The following ZFHX3 variants were observed in gnomAD, a reference collection of about 807,000 sequenced individuals.
ZFHX3 encodes the protein zinc finger homeobox 3.
In ZFHX3, 42 loss-of-function variants were observed where a neutral mutation model predicts 279.1. The ratio of observed to expected loss-of-function variants is 0.15; its 90% confidence interval spans 0.12 to 0.19. ZFHX3 has a LOEUF of 0.19. Among genes scored for constraint, ZFHX3 ranks in the 10% least tolerant of loss-of-function variants. The pLI, the probability that ZFHX3 is intolerant of heterozygous loss-of-function variation, is 1.00. For synonymous variants in ZFHX3, 2,293 were observed against 1,957.8 expected (o/e 1.17, Z -4.52); for missense variants, 4,981 against 4,754.0 (o/e 1.05, Z -1.40).
intron 4 of ZFHX3, among the ~76,000 whole-genome samples, chr16:73,300,115 C>A (rs1290120365): frequency 1.3e-5 from 2 of 152,104 alleles, no homozygotes; most frequent in Non-Finnish European, 2.9e-5. Context: ...AACTAATCAG[C>A]TGGGCATGGT....
intron 6 of ZFHX3, chr16:73,131,131 G>A: frequency 2.0e-6 from 1 of 500,400 alleles, no homozygotes; most frequent in Non-Finnish European, 3.8e-6. Flanking sequence ...TTGTTTTCTA[G>A]GGTTGACATG....
At chr16:73,098,882 G>C (rs1471814059) in intron 7 of ZFHX3, 4 of 152,212 alleles carry the variant, frequency 2.6e-5, no homozygotes, top group African/African-American at 4.8e-5. Flanking sequence ...TTCTGCACCA[G>C]CAACCTCCAC....
At chr16:72,998,252 T>G (rs1458004074) in intron 1 of ZFHX3, among the ~76,000 whole-genome samples, 1 of 151,918 alleles carries the variant, frequency 6.6e-6, no homozygotes, top group Non-Finnish European at 1.5e-5. Flanking sequence ...AATACAAAAA[T>G]TAACCAGGTG....
At chr16:73,648,893 A>T (rs754088464) in intron 2 of ZFHX3, among the ~76,000 whole-genome samples, 1 of 152,216 alleles carries the variant, frequency 6.6e-6, no homozygotes, top group Non-Finnish European at 1.5e-5. Flanking sequence ...TTTGCCCTTC[A>T]ACATGGGTTG....
chr16:73,557,513 C>G (rs372908971), intron 2 of ZFHX3, among the ~76,000 whole-genome samples: 1 of 152,102 alleles, frequency 6.6e-6, no homozygotes, highest in African/African-American at 2.4e-5. Flanking sequence ...ATGGTTATTT[C>G]TTGAAGATAT....
intron 4 of ZFHX3, among the ~76,000 whole-genome samples, chr16:72,847,630 G>A (rs913582312): frequency 5.3e-5 from 8 of 152,108 alleles, no homozygotes; most frequent in African/African-American, 1.7e-4. Context: ...AGAAGGGGAG[G>A]GGTGGCAGGT....
At chr16:73,249,366 A>T (rs1408528068) in intron 5 of ZFHX3, among the ~76,000 whole-genome samples, 2 of 152,238 alleles carry the variant, frequency 1.3e-5, no homozygotes, top group African/African-American at 2.4e-5. Context: ...AAGAATGGGT[A>T]ATTTATAAGA....
chr16:73,851,680 AC>A (rs1192496699), intron 1 of ZFHX3, among the ~76,000 whole-genome samples: 2 of 152,196 alleles, frequency 1.3e-5, no homozygotes, highest in African/African-American at 2.4e-5. Flanking sequence ...AAATTTGAGA[AC>A]CTACTGAAAT....
In ZFHX3 at chr16:72,807,821, A is replaced by G. The variant is rs537593126; in HGVS notation, c.3864+3756T>C. Reference sequence around the variant, plus strand: ...GCAAGCTTTTCCTATTCTGCAGCCAATGGCAACTAACTCAGTCAACCCATT... The same window carrying G: ...GCAAGCTTTTCCTATTCTGCAGCCAGTGGCAACTAACTCAGTCAACCCATT... On this transcript the variant is annotated intron_variant, in intron 7 of 9. Transcript: ENST00000268489. 6.6e-5 allele frequency: 10 copies of G among 152,276 alleles called. No homozygotes were observed. The South Asian group carries it at 2.1e-3, about 32-fold the overall frequency. 9.4% of individuals were successfully genotyped at this position (152,276 alleles called of 1,614,324 possible). A position where few individuals can be genotyped will look rare whatever the true frequency, so the allele number is the denominator to read the frequency against.
At chr16:73,727,406 T>C (rs1000523770) in intron 1 of ZFHX3, among the ~76,000 whole-genome samples, 1 of 152,206 alleles carries the variant, frequency 6.6e-6, no homozygotes, top group Non-Finnish European at 1.5e-5. Flanking sequence ...CAACCTTCCA[T>C]GAAAGGGTGC....
At chr16:73,076,028 C>A (rs1965883985) in intron 8 of ZFHX3, among the ~76,000 whole-genome samples, 1 of 152,058 alleles carries the variant, frequency 6.6e-6, no homozygotes, top group Admixed American at 6.6e-5. Context: ...CTGGATGGCC[C>A]CCAACAAATC....
At chr16:73,768,069 G>A (rs974912232) in intron 1 of ZFHX3, among the ~76,000 whole-genome samples, 3 of 152,076 alleles carry the variant, frequency 2.0e-5, no homozygotes, top group Non-Finnish European at 4.4e-5. Flanking sequence ...AAGGATTCAG[G>A]GCCTTCGGTC....
chr16:73,856,700 G>T (rs1465792492), intron 1 of ZFHX3, among the ~76,000 whole-genome samples: 1 of 152,110 alleles, frequency 6.6e-6, no homozygotes, highest in Admixed American at 6.6e-5. Context: ...GATTTGCAGG[G>T]TTATACCATA....
chr16:73,582,580 T>G (rs756661946), intron 2 of ZFHX3, among the ~76,000 whole-genome samples: 1 of 151,922 alleles, frequency 6.6e-6, no homozygotes, highest in Non-Finnish European at 1.5e-5. Flanking sequence ...GTTCAAGCGA[T>G]TCTTCTGCCT....
intron 1 of ZFHX3, among the ~76,000 whole-genome samples, chr16:73,810,343 C>G (rs1051058432): frequency 2.6e-5 from 4 of 152,102 alleles, no homozygotes; most frequent in Non-Finnish European, 4.4e-5. Flanking sequence ...CAGGGAAGAT[C>G]AAAATTTTCC....
intron 1 of ZFHX3, among the ~76,000 whole-genome samples, chr16:73,883,311 G>C (rs768118186): frequency 6.6e-6 from 1 of 152,052 alleles, no homozygotes; most frequent in Non-Finnish European, 1.5e-5. Context: ...GGAATTTGAC[G>C]TCTGGCAGCC....
chr16:72,827,371 C>G (rs538241778), intron 5 of ZFHX3, among the ~76,000 whole-genome samples: 88 of 152,266 alleles, frequency 5.8e-4, no homozygotes, highest in Non-Finnish European at 3.5e-4. Context: ...AGCAATCCTA[C>G]AGAAATAGGT....
chr16:73,001,472 T>G (rs930096333), intron 1 of ZFHX3, among the ~76,000 whole-genome samples: 7 of 152,154 alleles, frequency 4.6e-5, no homozygotes. Context: ...GGGTAATCTG[T>G]GATGCAGCAA....
intron 4 of ZFHX3, among the ~76,000 whole-genome samples, chr16:72,844,161 G>A (rs1269971016): frequency 6.6e-6 from 1 of 152,220 alleles, no homozygotes. Context: ...AGGCACTGCT[G>A]ACAGGGTTGC....
Sources: allele counts gnomAD v4.1 joint callset (sites outside exome capture counted in the v4.1 genomes callset), GRCh38; gene constraint gnomAD v4.1.1; transcripts MANE v1.5; gene names NCBI Gene and HGNC (gene_info 2026-07-23, HGNC 2026-07-21).